Variants in MYO5B observed in about 807,000 individuals in gnomAD.
MYO5B encodes the protein unconventional myosin-Vb.
Under a neutral mutation model 229.3 loss-of-function variants are expected in MYO5B, and 143 were observed. The ratio of observed to expected loss-of-function variants is 0.62; its 90% CI spans 0.54 to 0.72. MYO5B has a LOEUF of 0.72. Ranked by LOEUF, MYO5B falls within the 30% of genes least tolerant of loss-of-function variation. The pLI, the probability that MYO5B is intolerant of heterozygous loss-of-function variation, is 0.00. For synonymous variants in MYO5B, 918 were observed against 885.2 expected (o/e 1.04, Z -0.66); for missense variants, 2,321 against 2,331.0 (o/e 1.00, Z 0.09).
At chr18:49,853,215 A>G (rs1430648015) in intron 31 of MYO5B, among the ~76,000 whole-genome samples, 1 of 152,222 alleles carries the variant, frequency 6.6e-6, no homozygotes, top group Non-Finnish European at 1.5e-5. Context: ...AAATTCAGCA[A>G]GAAGGCAGGT....
intron 16 of MYO5B, among the ~76,000 whole-genome samples, chr18:49,933,805 A>G (rs1347862553): frequency 1.3e-5 from 2 of 152,248 alleles, no homozygotes; most frequent in Non-Finnish European, 2.9e-5. Flanking sequence ...GGATGATGTA[A>G]CTAATAACTG....
intron 14 of MYO5B, among the ~76,000 whole-genome samples, chr18:49,952,811 T>C (rs1022741735): frequency 6.6e-6 from 1 of 152,026 alleles, no homozygotes; most frequent in Admixed American, 6.6e-5. Context: ...AGAGGTTCTA[T>C]AGACTGCTGA....
At chr18:49,954,565 C>G in intron 12 of MYO5B, 130 bp from the exon 13 acceptor site, 2 of 1,181,098 alleles carry the variant, frequency 1.7e-6, no homozygotes, top group Non-Finnish European at 2.5e-6. Flanking sequence ...AGGACCTTAA[C>G]TGGACGGTGC....
At chr18:50,154,579 C>T (rs966607407) in intron 1 of MYO5B, among the ~76,000 whole-genome samples, 3 of 152,188 alleles carry the variant, frequency 2.0e-5, no homozygotes, top group African/African-American at 7.2e-5. Context: ...GAAGCACATT[C>T]GAGTTCACAT....
At chr18:49,879,238 C>A in intron 23 of MYO5B, 148 bp from the exon 24 acceptor site, 1 of 892,762 alleles carries the variant, frequency 1.1e-6, no homozygotes, top group Non-Finnish European at 1.8e-6. Flanking sequence ...TCCTCACCTA[C>A]TGCAGAGCAA....
intron 1 of MYO5B, among the ~76,000 whole-genome samples, chr18:50,149,253 T>A (rs1351343915): frequency 6.6e-6 from 1 of 151,936 alleles, no homozygotes; most frequent in East Asian, 1.9e-4. Flanking sequence ...AAAATGGCCA[T>A]ACTGCCCAAG....
intron 1 of MYO5B, among the ~76,000 whole-genome samples, chr18:50,105,254 A>G (rs997735555): frequency 3.3e-5 from 5 of 151,996 alleles, no homozygotes; most frequent in African/African-American, 7.2e-5. Flanking sequence ...TAAATAAAAA[A>G]TAGATAAAAT....
intron 17 of MYO5B, among the ~76,000 whole-genome samples, chr18:49,924,414 T>C (rs2025107733): frequency 6.6e-6 from 1 of 152,166 alleles, no homozygotes; most frequent in Non-Finnish European, 1.5e-5. Context: ...TTAATTTACT[T>C]CTCCAAGATC....
At chr18:50,084,445 G>A (rs1185611395) in intron 1 of MYO5B, among the ~76,000 whole-genome samples, 1 of 152,158 alleles carries the variant, frequency 6.6e-6, no homozygotes, top group African/African-American at 2.4e-5. Flanking sequence ...ACTCATCGCT[G>A]AGGCATCAAT....
At chr18:50,011,109 G>A (rs1225938498) in intron 4 of MYO5B, among the ~76,000 whole-genome samples, 4 of 152,174 alleles carry the variant, frequency 2.6e-5, no homozygotes, top group Admixed American at 1.3e-4. Context: ...TTGGGAGGCC[G>A]AGGCAGGCAG....
At chr18:50,104,699 A>C (rs772864159) in intron 1 of MYO5B, among the ~76,000 whole-genome samples, 1 of 152,192 alleles carries the variant, frequency 6.6e-6, no homozygotes, top group African/African-American at 2.4e-5. Flanking sequence ...CATTACAGCT[A>C]AGTTGATAAT....
chr18:50,121,160 C>T (rs1033007806), intron 1 of MYO5B, among the ~76,000 whole-genome samples: 2 of 152,190 alleles, frequency 1.3e-5, no homozygotes, highest in Non-Finnish European at 2.9e-5. Context: ...AGTCTCTTTC[C>T]TTCCCTCTGT....
At chr18:50,149,249 G>A (rs1490581432) in intron 1 of MYO5B, among the ~76,000 whole-genome samples, 1 of 151,822 alleles carries the variant, frequency 6.6e-6, no homozygotes, top group Non-Finnish European at 1.5e-5. Context: ...CGTGAAAATG[G>A]CCATACTGCC....
intron 4 of MYO5B, among the ~76,000 whole-genome samples, chr18:50,019,059 T>C (rs928142337): frequency 1.1e-4 from 17 of 152,284 alleles, no homozygotes; most frequent in African/African-American, 3.9e-4. Flanking sequence ...CAGAGCCATT[T>C]ATTATCCACC....
chr18:50,058,235 G>C (rs983730447), intron 1 of MYO5B, among the ~76,000 whole-genome samples: 1 of 152,188 alleles, frequency 6.6e-6, no homozygotes, highest in African/African-American at 2.4e-5. Context: ...GGGAGCCGAG[G>C]CAGGTAGATC....
At chr18:50,008,858 T>C (rs1158778056) in intron 4 of MYO5B, among the ~76,000 whole-genome samples, 1 of 152,224 alleles carries the variant, frequency 6.6e-6, no homozygotes, top group African/African-American at 2.4e-5. Context: ...TTCTTGTCTG[T>C]GTCTACATGC....
At chr18:50,063,522 A>G (rs909373036) in intron 1 of MYO5B, among the ~76,000 whole-genome samples, 1 of 152,220 alleles carries the variant, frequency 6.6e-6, no homozygotes, top group African/African-American at 2.4e-5. Context: ...GAACTATAAC[A>G]TAATATACAC....
intron 8 of MYO5B, among the ~76,000 whole-genome samples, chr18:49,983,200 C>G (rs1411036402): frequency 2.0e-5 from 3 of 152,172 alleles, no homozygotes; most frequent in Non-Finnish European, 4.4e-5. Flanking sequence ...TCTCCTTTGC[C>G]TACTGGTAGA....
Position 49,962,972 on chromosome 18 carries a change from T to C in MYO5B, c.1381A>G (p.Lys461Glu). The C allele has an allele frequency of 2.5e-6, 4 of 1,614,118 alleles. No homozygotes were observed. The highest frequency in any genetic ancestry group is 3.4e-6 in the Non-Finnish European group (4 of 1,179,984). The stretch of plus-strand genomic sequence containing the variant: ...ACCGAGTTGAACTGCTGCTGGAGCT[T>C]TTCATTTGCATAGTTGATACAGAAC... The part of the protein sequence containing the change: ...EQFCINYANE[K>E]LQQQFNSHVF... The change falls in exon 11 of 40, where the codon AAG (lysine) becomes GAG (glutamate). Residue 461 changes from lysine to glutamate, a missense_variant. Lys to Glu is a moderately conservative substitution (Grantham distance 56, BLOSUM62 1). Around this residue, in one of 2 missense-constraint regions of MYO5B, gnomAD observed 2,113 missense variants for 2,044.7 expected, o/e 1.03. Transcript: ENST00000285039.
Sources: gnomAD v4.1 joint callset for allele counts (sites outside exome capture counted in the v4.1 genomes callset) on GRCh38, gnomAD v4.1.1 for gene constraint, gnomAD v4.1.1 regional missense constraint, MANE v1.5 for transcripts, NCBI Gene and HGNC (gene_info 2026-07-23, HGNC 2026-07-21) for gene names.